TBC1D22B: variants seen among roughly 807,000 people sequenced by gnomAD.
TBC1D22B encodes chromosome 6 open reading frame 197.
A neutral mutation model predicts 69.1 loss-of-function variants in TBC1D22B; 32 were observed. That is an observed-to-expected ratio of 0.46 (90% CI 0.35 to 0.62). The LOEUF (loss-of-function observed/expected upper bound fraction) is 0.62. TBC1D22B is among the 20% of genes least tolerant of loss of function. The probability of loss-of-function intolerance (pLI) is 0.00; values close to 1 mark genes in which losing one functional copy is unlikely to be tolerated. For synonymous variants in TBC1D22B, 206 were observed against 229.8 expected (o/e 0.90, Z 0.94); for missense variants, 462 against 630.9 (o/e 0.73, Z 2.87).
chr6:37,285,403 C>T (rs918404464), intron 6 of TBC1D22B, among the ~76,000 whole-genome samples: 45 of 144,948 alleles, frequency 3.1e-4, no homozygotes, highest in African/African-American at 1.1e-3. Flanking sequence ...TGGCTCACTG[C>T]AGCCCCCACC....
chr6:37,306,293 G>A (rs940997606), intron 8 of TBC1D22B, among the ~76,000 whole-genome samples: 1 of 152,136 alleles, frequency 6.6e-6, no homozygotes, highest in Non-Finnish European at 1.5e-5. Context: ...AGGGATAAGT[G>A]AGAAATCGTA....
chr6:37,258,028 T>G, intron 1 of TBC1D22B, 55 bp downstream of exon 1: 1 of 1,587,402 alleles, frequency 6.3e-7, no homozygotes, highest in Non-Finnish European at 8.6e-7. Flanking sequence ...TTCCAGATCC[T>G]AATCCCTGAA....
At chr6:37,315,942 G>T (rs1297882348) in intron 10 of TBC1D22B, among the ~76,000 whole-genome samples, 1 of 152,200 alleles carries the variant, frequency 6.6e-6, no homozygotes, top group Non-Finnish European at 1.5e-5. Context: ...AGGTGCCATT[G>T]TAAGCACTTT....
intron 1 of TBC1D22B, among the ~76,000 whole-genome samples, chr6:37,266,793 C>T (rs1180095865): frequency 6.6e-6 from 1 of 152,086 alleles, no homozygotes; most frequent in Non-Finnish European, 1.5e-5. Flanking sequence ...AAAAGATATA[C>T]TGTAATTTAT....
intron 8 of TBC1D22B, among the ~76,000 whole-genome samples, chr6:37,301,267 A>G (rs1767563763): frequency 6.6e-6 from 1 of 152,206 alleles, no homozygotes; most frequent in African/African-American, 2.4e-5. Flanking sequence ...CGTGTGCCAG[A>G]CAATTTACTC....
At position 37,327,557 on chromosome 6, in the gene TBC1D22B, A is replaced by G. The variant is rs889627677; in HGVS notation, c.1390-3487A>G. Among the ~76,000 whole-genome samples, 8 of 152,110 alleles carry G rather than the reference A, an allele frequency of 5.3e-5. No homozygotes were observed. The South Asian group carries it at 1.5e-3, about 28-fold the overall frequency. On this transcript the variant is annotated intron_variant, in intron 12 of 12. Transcript: ENST00000373491. ...TCTTTCAAACAAAACAAACAAAAAA[A>G]GCTTTGAGGCAGACAGGACTGAGGC...
rs779620774 is a variant in TBC1D22B at position 37,284,398 on chromosome 6, T to C, written c.735T>C (p.Tyr245=). 1.2e-6 allele frequency: 2 copies of C among 1,613,306 alleles called. No individual in the cohort carries two copies. The highest frequency in any genetic ancestry group is 2.7e-5 in the African/African-American group (2 of 74,856). Residue 245 remains tyrosine, a synonymous_variant, in exon 6 of 13, where the codon TAT becomes TAC. Coordinates refer to ENST00000373491, the MANE Select transcript of TBC1D22B (RefSeq NM_017772.4). ...KLTLQRKREE[Y]FGFIEQYYDS... ...CCCTGCAGCGGAAGCGGGAGGAATA[T>C]TTTGGCTTCATTGAACAGTATTATG...
chr6:37,312,972 G>A lies in TBC1D22B; in HGVS notation c.1037G>A (p.Ser346Asn), dbSNP rs779416820. ...VTNLSQDMLR[S>N]IEADSFWCMS... ...AACTTGTCTCAAGACATGCTGCGAA[G>A]CATTGAGGCTGACAGCTTTTGGTGC... Residue 346 changes from serine to asparagine, a missense_variant, in exon 9 of 13, where the codon AGC (serine) becomes AAC (asparagine). Coordinates refer to ENST00000373491, the MANE Select transcript of TBC1D22B (RefSeq NM_017772.4). The A allele has an allele frequency of 1.2e-6, 2 of 1,614,236 alleles. No individual in the cohort carries two copies. Among genetic ancestry groups the A allele is most frequent in the East Asian group, 4.5e-5 (2 of 44,882 alleles).
At chr6:37,293,026 C>T (rs1243567147) in intron 8 of TBC1D22B, among the ~76,000 whole-genome samples, 1 of 151,814 alleles carries the variant, frequency 6.6e-6, no homozygotes, top group Non-Finnish European at 1.5e-5. Context: ...GTCTCTGTGT[C>T]ACATTCTGAT....
chr6:37,287,755 T>C (rs552213517), intron 7 of TBC1D22B, among the ~76,000 whole-genome samples: 11 of 152,372 alleles, frequency 7.2e-5, no homozygotes, highest in African/African-American at 2.6e-4. Flanking sequence ...GTAACACATA[T>C]TGTTGAGCTG....
chr6:37,270,920 G>C (rs1297889877), intron 2 of TBC1D22B, among the ~76,000 whole-genome samples: 1 of 152,146 alleles, frequency 6.6e-6, no homozygotes, highest in African/African-American at 2.4e-5. Context: ...GAGACAGTGA[G>C]AAGATCAGTT....
At chr6:37,287,877 TG>T (rs1188898776) in intron 7 of TBC1D22B, among the ~76,000 whole-genome samples, 2 of 152,332 alleles carry the variant, frequency 1.3e-5, no homozygotes, top group East Asian at 3.9e-4. Context: ...TAAATTCTTT[TG>T]GGTATATATT....
At chr6:37,260,080 C>T (rs1766028198) in intron 1 of TBC1D22B, among the ~76,000 whole-genome samples, 1 of 152,158 alleles carries the variant, frequency 6.6e-6, no homozygotes, top group Non-Finnish European at 1.5e-5. Flanking sequence ...AAATACTGTT[C>T]AGCTGTGTGC....
At chr6:37,311,032 CCT>C (rs774489206) in intron 8 of TBC1D22B, among the ~76,000 whole-genome samples, 5 of 152,018 alleles carry the variant, frequency 3.3e-5, no homozygotes, top group African/African-American at 7.2e-5. Context: ...TAATTTTTCC[CCT>C]CTTTTCTCCT....
intron 2 of TBC1D22B, among the ~76,000 whole-genome samples, chr6:37,274,523 T>C (rs1766601966): frequency 6.6e-6 from 1 of 152,250 alleles, no homozygotes; most frequent in Non-Finnish European, 1.5e-5. Context: ...TCTTTTTCTT[T>C]GCCGCTTACC....
intron 2 of TBC1D22B, among the ~76,000 whole-genome samples, chr6:37,271,849 C>CTTTTTTTTTTTTTTTTTTTTTTT (rs35838317): frequency 8.3e-6 from 1 of 120,920 alleles, no homozygotes; most frequent in Non-Finnish European, 1.7e-5. Context: ...AAGGTGCATG[C>CTTTTTTTTTTTTTTTTTTTTTTT]TTTTTTTTTT....
Position 37,331,961 on chromosome 6 carries a change from A to G in TBC1D22B, c.*789A>G, listed in dbSNP as rs542570666. ...AAGGGGCTCTCCAGACCCCTTTTCC[A>G]TGATGACCCACTCCAAGATATTATG... is the stretch of plus-strand genomic sequence containing the variant. On this transcript the variant is annotated 3_prime_UTR_variant, in exon 13 of 13. Coordinates refer to ENST00000373491, the MANE Select transcript of TBC1D22B (RefSeq NM_017772.4). The G allele has an allele frequency of 6.5e-6, 1 of 152,788 alleles. No individual in the cohort carries two copies. Among genetic ancestry groups the G allele is most frequent in the African/African-American group, 2.4e-5 (1 of 41,588 alleles). The allele number at this position is 152,788 out of a possible 1,614,324, so 9.5% of individuals were successfully genotyped here.
intron 12 of TBC1D22B, chr6:37,324,303 C>A: frequency 2.2e-6 from 1 of 456,738 alleles, no homozygotes; most frequent in Non-Finnish European, 4.4e-6. Context: ...TAGTCACCAG[C>A]TGGGTCACAC....
At chr6:37,267,550 CATAT>C (rs201374697) in intron 1 of TBC1D22B, among the ~76,000 whole-genome samples, 1 of 137,762 alleles carries the variant, frequency 7.3e-6, no homozygotes, top group Non-Finnish European at 1.5e-5. Flanking sequence ...TATATATACA[CATAT>C]ATATATACAC....
Sources: allele counts gnomAD v4.1 joint callset (sites outside exome capture counted in the v4.1 genomes callset), GRCh38; gene constraint gnomAD v4.1.1; transcripts MANE v1.5; gene names NCBI Gene and HGNC (gene_info 2026-07-23, HGNC 2026-07-21).